MED27: variants seen among roughly 807,000 people sequenced by gnomAD.
MED27 encodes mediator complex subunit 27, also known as mediator of RNA polymerase II transcription subunit 27.
In MED27, 30 loss-of-function variants were observed where a neutral mutation model predicts 38.2. The ratio of observed to expected loss-of-function variants is 0.79; its 90% CI spans 0.59 to 1.07. The LOEUF is 1.07. Ranked by LOEUF, MED27 falls within the 50% of genes least tolerant of loss-of-function variation. The probability of loss-of-function intolerance (pLI) is 0.00; values close to 1 mark genes in which losing one functional copy is unlikely to be tolerated. For synonymous variants in MED27, 122 were observed against 153.5 expected (o/e 0.79, Z 1.52); for missense variants, 289 against 397.5 (o/e 0.73, Z 2.32).
At chr9:131,898,495 C>T (rs576521211) in intron 4 of MED27, among the ~76,000 whole-genome samples, 37 of 152,218 alleles carry the variant, frequency 2.4e-4, no homozygotes, top group African/African-American at 4.3e-4. Context: ...GGATTACAGG[C>T]GTGAGCCACC....
intron 4 of MED27, among the ~76,000 whole-genome samples, chr9:131,916,226 T>C (rs1192992182): frequency 2.0e-5 from 3 of 152,218 alleles, no homozygotes; most frequent in Admixed American, 6.5e-5. Context: ...AATATCAAGA[T>C]AAACTGCTTT....
Position 131,917,446 on chromosome 9 carries a change from C to T in MED27, c.573+21935G>A, listed in dbSNP as rs371677114. 8.6e-5 allele frequency among the ~76,000 whole-genome samples: 13 copies of T among 152,046 alleles called. No individual in the cohort carries two copies. In the East Asian group the frequency reaches 1.4e-3, roughly 16 times the overall value. The stretch of plus-strand genomic sequence containing the variant: ...GACTGGCATCTCTGGAATGATGAGT[C>T]CAGTGTGGAAGATGAGGGGAGGCAG... On this transcript the variant is annotated intron_variant, in intron 4 of 7. Coordinates refer to ENST00000292035, the MANE Select transcript of MED27 (RefSeq NM_004269.4). This position sits in a 1 kb window ranked among gnomAD's most constrained non-coding sequence, Gnocchi z 4.6.
chr9:131,960,190 A>C (rs1414277025), intron 3 of MED27, among the ~76,000 whole-genome samples: 1 of 152,228 alleles, frequency 6.6e-6, no homozygotes, highest in Non-Finnish European at 1.5e-5. Context: ...CGGCTTTAGA[A>C]ATAGAAGCCA....
chr9:132,057,586 T>A lies in MED27; in HGVS notation c.348+19856A>T, dbSNP rs186615992. On this transcript the variant is annotated intron_variant, in intron 2 of 7. Transcript: ENST00000292035. ...TAATCAGGAATAACTTAGTGGGACCTCCTTAAACTTCATTTGCTCTAGGAT... is the reference window on the plus strand; with the variant it reads ...TAATCAGGAATAACTTAGTGGGACCACCTTAAACTTCATTTGCTCTAGGAT... Among the ~76,000 whole-genome samples the A allele has an allele frequency of 7.9e-5, 12 of 152,322 alleles. No individual in the cohort carries two copies. The East Asian group carries it at 1.9e-3, about 24-fold the overall frequency.
chr9:132,004,259 G>T (rs957302965), intron 3 of MED27, among the ~76,000 whole-genome samples: 5 of 152,146 alleles, frequency 3.3e-5, no homozygotes, highest in Non-Finnish European at 5.9e-5. Flanking sequence ...GAAGCATAAC[G>T]ACAGAGAGCA....
intron 3 of MED27, among the ~76,000 whole-genome samples, chr9:131,941,957 C>T (rs1259749447): frequency 6.6e-6 from 1 of 151,396 alleles, no homozygotes; most frequent in African/African-American, 2.4e-5. Flanking sequence ...TCCCAAGTAG[C>T]TGGGACTACA....
chr9:132,033,667 G>A (rs766388086), intron 2 of MED27, among the ~76,000 whole-genome samples: 9 of 152,168 alleles, frequency 5.9e-5, no homozygotes, highest in African/African-American at 1.7e-4. Flanking sequence ...AGTTAATAAC[G>A]GAATGCTGCC....
intron 3 of MED27, among the ~76,000 whole-genome samples, chr9:131,991,704 A>C (rs1831978610): frequency 6.6e-6 from 1 of 152,094 alleles, no homozygotes; most frequent in South Asian, 2.1e-4. Flanking sequence ...TGGAGATATC[A>C]ATCATTTATT....
intron 3 of MED27, among the ~76,000 whole-genome samples, chr9:131,970,737 A>G (rs1263300282): frequency 6.6e-6 from 1 of 152,246 alleles, no homozygotes; most frequent in Non-Finnish European, 1.5e-5. Flanking sequence ...AGAAATAAAG[A>G]CCAAATTAAA....
chr9:131,923,154 G>A lies in MED27; in HGVS notation c.573+16227C>T, dbSNP rs555156895. Among the ~76,000 whole-genome samples the A allele has an allele frequency of 1.5e-3, 231 of 152,306 alleles. 2 individuals carry two copies. The highest frequency in any genetic ancestry group is 5.1e-3 in the African/African-American group (214 of 41,578). ...ACAGAATTGGGAAACGTGCACTCCT[G>A]TGTACAGACACATCTATATCTATTT... On this transcript the variant is annotated intron_variant, in intron 4 of 7. Coordinates refer to ENST00000292035, the MANE Select transcript of MED27 (RefSeq NM_004269.4).
chr9:131,896,755 A>G (rs1829839037), intron 4 of MED27, among the ~76,000 whole-genome samples: 1 of 152,122 alleles, frequency 6.6e-6, no homozygotes, highest in African/African-American at 2.4e-5. Context: ...TTTCTGAAAC[A>G]GAGTCTTGCT....
chr9:131,919,598 C>T (rs1178673624), intron 4 of MED27, among the ~76,000 whole-genome samples: 1 of 151,958 alleles, frequency 6.6e-6, no homozygotes, highest in Non-Finnish European at 1.5e-5. Context: ...GGGGATAATG[C>T]CACCCACCTC....
At chr9:131,906,160 C>T (rs1302969159) in intron 4 of MED27, among the ~76,000 whole-genome samples, 7 of 152,166 alleles carry the variant, frequency 4.6e-5, no homozygotes, top group Non-Finnish European at 1.0e-4. Flanking sequence ...ATTAAGTACC[C>T]ACCACGTGCC....
At chr9:132,034,800 G>A (rs763551458) in intron 2 of MED27, among the ~76,000 whole-genome samples, 2 of 152,102 alleles carry the variant, frequency 1.3e-5, no homozygotes, top group South Asian at 2.1e-4. Flanking sequence ...TCAAGGTTAG[G>A]GGGATGTGAC....
At chr9:131,866,761 C>T (rs144562028) in intron 6 of MED27, among the ~76,000 whole-genome samples, 1 of 152,208 alleles carries the variant, frequency 6.6e-6, no homozygotes, top group Non-Finnish European at 1.5e-5. Context: ...TGAGTGATTG[C>T]CATCGTTCAA....
At chr9:131,923,851 A>C (rs1353645535) in intron 4 of MED27, among the ~76,000 whole-genome samples, 2 of 152,140 alleles carry the variant, frequency 1.3e-5, no homozygotes, top group Admixed American at 1.3e-4. Flanking sequence ...CTTTTTCCAG[A>C]AAAAGTAAGC....
intron 3 of MED27, among the ~76,000 whole-genome samples, chr9:131,994,457 A>C (rs1480292098): frequency 6.6e-5 from 10 of 152,218 alleles, no homozygotes; most frequent in Admixed American, 6.5e-4. Flanking sequence ...AAGGATCTAA[A>C]GGACGCAGGG....
At position 132,005,987 on chromosome 9, in the gene MED27, T is replaced by A. The variant is rs1832350947; in HGVS notation, c.479+8350A>T. The stretch of plus-strand genomic sequence containing the variant: ...CTTTAATTATATTCTCAATTTCAAC[T>A]CTTCTAGAGAGTTATCGCCACCTAG... On this transcript the variant is annotated intron_variant, in intron 3 of 7. Transcript: ENST00000292035. 2.0e-5 allele frequency among the ~76,000 whole-genome samples: 3 copies of A among 152,188 alleles called. No homozygotes were observed. The South Asian group carries it at 6.2e-4, about 32-fold the overall frequency.
rs7037819 is a variant in MED27, at chr9:131,972,101, G to A, written c.480-32627C>T. Among the ~76,000 whole-genome samples, 796 of 152,196 alleles carry A rather than the reference G, an allele frequency of 5.2e-3. 14 individuals are homozygous for A. Among genetic ancestry groups the A allele is most frequent in the African/African-American group, 0.018 (732 of 41,520 alleles). On this transcript the variant is annotated intron_variant, in intron 3 of 7. Coordinates refer to ENST00000292035, the MANE Select transcript of MED27 (RefSeq NM_004269.4). ...ATTCTAGTACAGACAGCTTCTAATC[G>A]GATTTGTTGTGATTAGAACATACAG...
Sources: gnomAD v4.1 joint callset for allele counts (sites outside exome capture counted in the v4.1 genomes callset) on GRCh38, gnomAD v4.1.1 for gene constraint, Gnocchi (gnomAD v3.1) non-coding constraint, MANE v1.5 for transcripts, NCBI Gene and HGNC (gene_info 2026-07-23, HGNC 2026-07-21) for gene names.